Variants in KLRK1 observed in about 807,000 individuals in gnomAD.
KLRK1 encodes the protein killer cell lectin like receptor K1, also known as NKG2-D type II integral membrane protein.
KLRK1 carries 40 observed loss-of-function variants against 31.3 expected under a neutral mutation model. The ratio of observed to expected loss-of-function variants is 1.28; its 90% confidence interval spans 0.99 to 1.67. KLRK1 has a LOEUF of 1.67. Among genes scored for constraint, KLRK1 ranks in the 40% most tolerant of loss-of-function variants. The pLI is 0.00. For synonymous variants in KLRK1, 77 were observed against 77.3 expected (o/e 1.00, Z 0.02); for missense variants, 251 against 260.0 (o/e 0.97, Z 0.24).
rs1373276893 is a variant in KLRK1, at chr12:10,378,688, A to G, written c.295T>C (p.Cys99Arg). The G allele has an allele frequency of 3.1e-6, 5 of 1,603,094 alleles. No individual in the cohort carries two copies. Among genetic ancestry groups the G allele is most frequent in the East Asian group, 2.2e-5 (1 of 44,816 alleles). Reference protein sequence around the residue: ...IPLTESYCGPCPKNWICYKNN... With the variant: ...IPLTESYCGPRPKNWICYKNN... ...TTGTAACATATCCAGTTTTTAGGAC[A>G]TGGGCCACAGTAACTTTCTGGAAAA... Residue 99 changes from cysteine to arginine, a missense_variant, in exon 6 of 8, where the codon TGT (cysteine) becomes CGT (arginine). Cys to Arg is a radical substitution (Grantham distance 180). Coordinates refer to ENST00000240618, the MANE Select transcript of KLRK1 (RefSeq NM_007360.4).
chr12:10,374,399 T>C (rs1339898530), intron 7 of KLRK1, among the ~76,000 whole-genome samples: 8 of 30,204 alleles, frequency 2.6e-4, no homozygotes, highest in Non-Finnish European at 9.8e-4. Context: ...CTCTCTCTCT[T>C]TTTTTTTTTT....
intron 1 of KLRK1, among the ~76,000 whole-genome samples, chr12:10,389,569 G>A (rs1001431554): frequency 6.6e-6 from 1 of 152,140 alleles, no homozygotes; most frequent in Admixed American, 6.5e-5. Context: ...ATGTAAAGAT[G>A]TGTATCAAAG....
chr12:10,378,376 A>T, intron 6 of KLRK1, 141 bp from the exon 7 acceptor site: 2 of 1,305,410 alleles, frequency 1.5e-6, no homozygotes, highest in Non-Finnish European at 2.1e-6. Context: ...TCATCCGAGC[A>T]CACATACATG....
chr12:10,378,556 GGTC>G lies in KLRK1; in HGVS notation c.424_426del (p.Asp142del). The G allele has an allele frequency of 6.2e-7, 1 of 1,609,986 alleles. No individual in the cohort carries two copies. Among genetic ancestry groups the G allele is most frequent in the Non-Finnish European group, 8.5e-7 (1 of 1,179,170 alleles). ...GGAAATTAAAATAAATACTCAACCTGGTCCTCTTTGCTGTATACTTTCAGAAGG... is the reference window on the plus strand; with the variant it reads ...GGAAATTAAAATAAATACTCAACCTGCTCTTTGCTGTATACTTTCAGAAGG... On this transcript the variant is annotated inframe_deletion, in exon 6 of 8. Coordinates refer to ENST00000240618, the MANE Select transcript of KLRK1 (RefSeq NM_007360.4).
Position 10,372,851 on chromosome 12 carries a change from C to G in KLRK1, c.*263G>C, listed in dbSNP as rs536873616. ...ATTAAAACAGCACCCCTCCCCCAGC[C>G]CATCCACTCTGGGCTTGTGGTGGGA... On this transcript the variant is annotated 3_prime_UTR_variant, in exon 8 of 8. Transcript: ENST00000240618. The G allele has an allele frequency of 2.6e-6, 1 of 388,026 alleles. No homozygotes were observed. The highest frequency in any genetic ancestry group is 2.2e-5 in the African/African-American group (1 of 46,218). 24.0% of individuals were successfully genotyped at this position (388,026 alleles called of 1,614,324 possible). A position where few individuals can be genotyped will look rare whatever the true frequency, so the allele number is the denominator to read the frequency against.
chr12:10,389,386 A>G (rs1863233103), intron 1 of KLRK1, among the ~76,000 whole-genome samples: 5 of 152,152 alleles, frequency 3.3e-5, no homozygotes, highest in Admixed American at 3.3e-4. Flanking sequence ...CACCATCATC[A>G]TTAACAAAAC....
intron 7 of KLRK1, among the ~76,000 whole-genome samples, chr12:10,374,951 C>T (rs1448541181): frequency 1.3e-5 from 2 of 151,908 alleles, no homozygotes; most frequent in South Asian, 4.1e-4. Flanking sequence ...AGTTGTTTTG[C>T]TTCTGAAAAA....
chr12:10,378,059 G>A, intron 7 of KLRK1, 73 bp downstream of exon 7: 1 of 1,415,824 alleles, frequency 7.1e-7, no homozygotes, highest in South Asian at 1.3e-5. Context: ...TGTGAGATGA[G>A]TGATTAGAAT....
At chr12:10,379,885 G>A (rs1863038393) in intron 3 of KLRK1, 93 bp from the exon 4 acceptor site, 2 of 1,179,148 alleles carry the variant, frequency 1.7e-6, no homozygotes, top group African/African-American at 3.1e-5. Context: ...TTTTAAATGA[G>A]AAGGTGGTAT....
At chr12:10,376,413 A>G (rs1862966893) in intron 7 of KLRK1, among the ~76,000 whole-genome samples, 1 of 152,180 alleles carries the variant, frequency 6.6e-6, no homozygotes, top group Non-Finnish European at 1.5e-5. Flanking sequence ...AATGTTGAAA[A>G]CTAAATGACA....
chr12:10,388,803 C>T lies in KLRK1; in HGVS notation c.8G>A (p.Trp3Ter). 2 of 1,613,802 alleles carry T rather than the reference C, an allele frequency of 1.2e-6. No homozygotes were observed. Among genetic ancestry groups the T allele is most frequent in the Non-Finnish European group, 8.5e-7 (1 of 1,179,890 alleles). MG[W>*]IRGRRSRHSW... Reference sequence around the variant, plus strand: ...GTGTCGAGACCTCCGACCACGAATCCACCCCATCAAATACTTATAAGTGCA... The same window carrying T: ...GTGTCGAGACCTCCGACCACGAATCTACCCCATCAAATACTTATAAGTGCA... Residue 3 changes from tryptophan (W) to a stop codon, truncating the protein, a stop_gained, in exon 2 of 8, where the codon TGG becomes TAG. Transcript: ENST00000240618. LOFTEE classifies it high-confidence loss of function.
rs1001760829 is a variant in KLRK1 at position 10,379,903 on chromosome 12, T to C, written c.149-111A>G. 2.0e-5 allele frequency: 19 copies of C among 949,458 alleles called. No homozygotes were observed. In the African/African-American group the frequency reaches 2.8e-4, roughly 14 times the overall value. 58.8% of individuals were successfully genotyped at this position (949,458 alleles called of 1,614,324 possible). A position where few individuals can be genotyped will look rare whatever the true frequency, so the allele number is the denominator to read the frequency against. On this transcript the variant is annotated intron_variant, in intron 3 of 7. Coordinates refer to ENST00000240618, the MANE Select transcript of KLRK1 (RefSeq NM_007360.4). ...TAAATGAGAAGGTGGTATTGATCCT[T>C]TTTCTGCCTTAATAATTTTTTCCAG...
intron 3 of KLRK1, 84 bp from the exon 4 acceptor site, chr12:10,379,876 T>C (rs1863038214): frequency 1.6e-6 from 2 of 1,264,682 alleles, no homozygotes; most frequent in Non-Finnish European, 2.1e-6. Context: ...ATTAGAGTTT[T>C]TTAAATGAGA....
chr12:10,380,073 T>G (rs1424565161), intron 3 of KLRK1, among the ~76,000 whole-genome samples: 4 of 138,806 alleles, frequency 2.9e-5, no homozygotes, highest in Non-Finnish European at 6.3e-5. Context: ...TTTTTTTTTT[T>G]TTTTTTTTTT....
At chr12:10,378,031 G>C in intron 7 of KLRK1, 101 bp downstream of exon 7, 1 of 1,222,392 alleles carries the variant, frequency 8.2e-7, no homozygotes, top group Non-Finnish European at 1.2e-6. Context: ...ATTAGAATGT[G>C]CAAATGTCCT....
At chr12:10,383,226 A>T (rs1863108804) in intron 3 of KLRK1, among the ~76,000 whole-genome samples, 1 of 152,070 alleles carries the variant, frequency 6.6e-6, no homozygotes, top group Non-Finnish European at 1.5e-5. Context: ...ATTAAAAACA[A>T]AAAAAACCAA....
At chr12:10,379,121 ATGAGAATTGCT>A (rs1863020081) in intron 5 of KLRK1, 1 of 173,412 alleles carries the variant, frequency 5.8e-6, no homozygotes, top group African/African-American at 2.4e-5. Context: ...AGGCTGAGGC[ATGAGAATTGCT>A]TGAAACTGGG....
intron 2 of KLRK1, among the ~76,000 whole-genome samples, chr12:10,388,419 G>GAAACT (rs547054660): frequency 2.0e-5 from 3 of 152,126 alleles, no homozygotes; most frequent in Non-Finnish European, 2.9e-5. Context: ...GATAGAAAAA[G>GAAACT]AAACTAAACT....
rs759045496 is a variant in KLRK1 at position 10,373,238 on chromosome 12, G to A, written c.534-7C>T. ...CATTTCAATTATTGTTAGTCTAGAG[G>A]AGAGACAATTACAAATTACATACAT... On this transcript the variant is annotated splice_polypyrimidine_tract_variant and splice_region_variant and intron_variant, in intron 7 of 7. Transcript: ENST00000240618. The A allele has an allele frequency of 5.7e-6, 9 of 1,567,546 alleles. No homozygotes were observed. The highest frequency in any genetic ancestry group is 1.4e-5 in the African/African-American group (1 of 72,144).
Sources: gnomAD v4.1 joint callset for allele counts (sites outside exome capture counted in the v4.1 genomes callset) on GRCh38, gnomAD v4.1.1 for gene constraint, MANE v1.5 for transcripts, NCBI Gene and HGNC (gene_info 2026-07-23, HGNC 2026-07-21) for gene names.